The following CELF2 variants were observed in gnomAD, a reference collection of about 807,000 sequenced individuals.
CELF2 encodes the protein CUG triplet repeat RNA-binding protein 2.
A neutral mutation model predicts 62.6 loss-of-function variants in CELF2; 8 were observed. That is an observed-to-expected ratio of 0.13 (90% confidence interval 0.07 to 0.23). The LOEUF (loss-of-function observed/expected upper bound fraction) is 0.23. Among genes scored for constraint, CELF2 ranks in the 10% least tolerant of loss-of-function variants. The pLI, the probability that CELF2 is intolerant of heterozygous loss-of-function variation, is 1.00. For missense variants in CELF2, 333 were observed against 671.0 expected, an observed-to-expected ratio of 0.50 and a Z score of 5.56; for synonymous variants, 258 against 250.0, an observed-to-expected ratio of 1.03 and a Z score of -0.30.
In CELF2 at chr10:11,296,460, T is replaced by C. The variant is rs1032613428; in HGVS notation, c.976+7908T>C. Among the ~76,000 whole-genome samples, 1 of 152,194 alleles carries C rather than the reference T, an allele frequency of 6.6e-6. No homozygotes were observed. Among genetic ancestry groups the C allele is most frequent in the African/African-American group, 2.4e-5 (1 of 41,430 alleles). On this transcript the variant is annotated intron_variant, in intron 9 of 12. Coordinates refer to ENST00000633077, the MANE Select transcript of CELF2 (RefSeq NM_001326342.2). This position sits in a 1 kb window ranked among gnomAD's most constrained non-coding sequence, Gnocchi z 5.0. Reference sequence around the variant, plus strand: ...TGTGATCTTGTATGATACAAACATGTTATCACCACTAGCACTGGTGAAAAG... The same window carrying C: ...TGTGATCTTGTATGATACAAACATGCTATCACCACTAGCACTGGTGAAAAG...
chr10:10,732,489 C>T, the CELF2 span, among the ~76,000 whole-genome samples: 1 of 143,774 alleles, frequency 7.0e-6, no homozygotes, highest in Admixed American at 7.0e-5. Context: ...CAATAAAGTT[C>T]TTTGCCTACT....
the CELF2 span, among the ~76,000 whole-genome samples, chr10:10,467,866 T>TA: frequency 6.6e-6 from 1 of 152,134 alleles, no homozygotes; most frequent in East Asian, 1.9e-4. Flanking sequence ...AAGTTAAAAA[T>TA]AAAAAATGTA....
the CELF2 span, among the ~76,000 whole-genome samples, chr10:10,537,502 T>C: frequency 6.6e-6 from 1 of 152,200 alleles, no homozygotes; most frequent in Non-Finnish European, 1.5e-5. Flanking sequence ...TTAAAAGTTA[T>C]AAGTTAAGAA....
At chr10:10,828,339 A>G (rs2057577962) in intron 1 of CELF2, among the ~76,000 whole-genome samples, 2 of 152,222 alleles carry the variant, frequency 1.3e-5, no homozygotes, top group Non-Finnish European at 2.9e-5. Context: ...CTCAAAAAAG[A>G]GGGGAATTCT....
chr10:10,654,495 C>A, the CELF2 span, among the ~76,000 whole-genome samples: 2 of 110,470 alleles, frequency 1.8e-5, no homozygotes, highest in East Asian at 4.3e-4. Context: ...ACGAATCCAG[C>A]AGCACATCAA....
chr10:10,918,990 G>T (rs1176530866), intron 1 of CELF2, among the ~76,000 whole-genome samples: 1 of 152,088 alleles, frequency 6.6e-6, no homozygotes, highest in African/African-American at 2.4e-5. Context: ...CAAGAGATGG[G>T]CCAGGTGCGG....
upstream of CELF2, chr10:11,005,287 A>AGG (rs2055023697): frequency 9.6e-6 from 15 of 1,563,222 alleles, no homozygotes; most frequent in Non-Finnish European, 1.0e-5. This position sits in a 1 kb window ranked among gnomAD's most constrained non-coding sequence, Gnocchi z 4.3. Flanking sequence ...AGAGAGAGAG[A>AGG]GAGAGAGGGA....
At chr10:11,245,122 A>G (rs943892452) in intron 3 of CELF2, among the ~76,000 whole-genome samples, 1 of 152,218 alleles carries the variant, frequency 6.6e-6, no homozygotes, top group African/African-American at 2.4e-5. Flanking sequence ...GGGTCAAATC[A>G]TTGAAACCAT....
chr10:10,622,363 C>T, the CELF2 span, among the ~76,000 whole-genome samples: 1 of 152,232 alleles, frequency 6.6e-6, no homozygotes, highest in Non-Finnish European at 1.5e-5. Flanking sequence ...AATCTCAGAA[C>T]TTTCGGAGGC....
chr10:11,002,819 T>C (rs2054654151), upstream of CELF2, among the ~76,000 whole-genome samples: 1 of 152,212 alleles, frequency 6.6e-6, no homozygotes, highest in African/African-American at 2.4e-5. This position sits in a 1 kb window ranked among gnomAD's most constrained non-coding sequence, Gnocchi z 4.4. Flanking sequence ...ATTTTTTTTT[T>C]CACATAGTTG....
the CELF2 span, among the ~76,000 whole-genome samples, chr10:10,782,759 C>T: frequency 6.6e-6 from 1 of 152,170 alleles, no homozygotes; most frequent in African/African-American, 2.4e-5. Flanking sequence ...TGTGACCAGA[C>T]CTTTCAGGTT....
chr10:10,836,743 C>T (rs997978750), intron 1 of CELF2, among the ~76,000 whole-genome samples: 1 of 152,198 alleles, frequency 6.6e-6, no homozygotes, highest in Non-Finnish European at 1.5e-5. Context: ...TCAATTGATT[C>T]TCCTGCTTCA....
chr10:11,082,353 G>A (rs1321596711), intron 1 of CELF2, among the ~76,000 whole-genome samples: 2 of 152,190 alleles, frequency 1.3e-5, no homozygotes, highest in Admixed American at 6.5e-5. Flanking sequence ...ACCTGCCCAG[G>A]TGCTGATATC....
intron 1 of CELF2, among the ~76,000 whole-genome samples, chr10:11,108,585 T>C (rs1205419709): frequency 6.6e-6 from 1 of 152,074 alleles, no homozygotes; most frequent in Non-Finnish European, 1.5e-5. Context: ...GTTCATCTGG[T>C]TCTGTTCTGA....
At chr10:11,119,865 C>CT (rs763533949) in intron 1 of CELF2, among the ~76,000 whole-genome samples, 1,420 of 54,978 alleles carry the variant, frequency 0.026, 26 homozygotes, top group Admixed American at 0.068. Flanking sequence ...GATTCCGCCT[C>CT]CCCCCCCCCG....
upstream of CELF2, chr10:10,796,960 A>T (rs868203979): frequency 8.3e-6 from 7 of 844,890 alleles, no homozygotes; most frequent in South Asian, 3.8e-4. Flanking sequence ...GAAGAAAGTC[A>T]TTCACAGCCA....
rs1007783254 is a variant in CELF2 at position 10,918,144 on chromosome 10, C to T, written c.54-1820C>T. Among the ~76,000 whole-genome samples the T allele has an allele frequency of 3.9e-5, 6 of 152,092 alleles. 1 individual carries two copies. Among genetic ancestry groups the T allele is most frequent in the Admixed American group, 3.3e-4 (5 of 15,260 alleles). ...ATTTATTGAGTGTATATGTCGGTCT[C>T]AAATGACAGAAAGATAAAGGATAAA... On this transcript the variant is annotated intron_variant, in intron 1 of 13. Transcript: ENST00000636488.
chr10:11,212,339 C>T (rs60478649), intron 2 of CELF2, among the ~76,000 whole-genome samples: 2 of 152,106 alleles, frequency 1.3e-5, no homozygotes, highest in Non-Finnish European at 2.9e-5. Context: ...CTGTGAGGCC[C>T]CCCCGGGCCT....
chr10:11,070,733 A>G (rs536861975), intron 1 of CELF2, among the ~76,000 whole-genome samples: 3 of 152,324 alleles, frequency 2.0e-5, no homozygotes, highest in Non-Finnish European at 4.4e-5. Context: ...GAGGAAGAAC[A>G]GTGGCATGGG....
Sources: gnomAD v4.1 joint callset for allele counts (sites outside exome capture counted in the v4.1 genomes callset) on GRCh38, gnomAD v4.1.1 for gene constraint, Gnocchi (gnomAD v3.1) non-coding constraint, MANE v1.5 for transcripts, NCBI Gene and HGNC (gene_info 2026-07-23, HGNC 2026-07-21) for gene names.